GSS: variants seen among roughly 807,000 people sequenced by gnomAD.
GSS encodes GSH synthetase.
In GSS, 34 loss-of-function variants were observed where a neutral mutation model predicts 60.4. The ratio of observed to expected loss-of-function variants is 0.56; its 90% CI spans 0.43 to 0.75. The LOEUF is 0.75. Ranked by LOEUF, GSS falls within the 30% of genes least tolerant of loss-of-function variation. The probability of loss-of-function intolerance (pLI) is 0.00; values close to 1 mark genes in which losing one functional copy is unlikely to be tolerated. For missense variants in GSS, 499 were observed against 595.1 expected (o/e 0.84, Z 1.68); for synonymous variants, 224 against 239.0 (o/e 0.94, Z 0.58).
intron 9 of GSS, 113 bp downstream of exon 9, chr20:34,935,463 A>C (rs2081433438): frequency 1.3e-6 from 1 of 784,200 alleles, no homozygotes. Context: ...CTCCCTGAGA[A>C]AGAAGTGAAG....
intron 11 of GSS, among the ~76,000 whole-genome samples, chr20:34,930,586 T>A (rs1304614422): frequency 6.6e-6 from 1 of 152,160 alleles, no homozygotes; most frequent in Admixed American, 6.5e-5. Flanking sequence ...CTGCTTCCAG[T>A]GTCTCCCCTC....
intron 6 of GSS, among the ~76,000 whole-genome samples, chr20:34,940,964 G>C (rs576742687): frequency 6.6e-6 from 1 of 152,162 alleles, no homozygotes; most frequent in Non-Finnish European, 1.5e-5. Flanking sequence ...CAGAAGGGAG[G>C]CATGGGCATG....
chr20:34,936,965 T>C lies in GSS; in HGVS notation c.667A>G (p.Ile223Val), dbSNP rs1419462849. Residue 223 changes from isoleucine to valine, a missense_variant, in exon 7 of 13, where the codon ATA (isoleucine) becomes GTA (valine). Ile to Val is a conservative substitution (Grantham distance 29, BLOSUM62 3). Coordinates refer to ENST00000651619, the MANE Select transcript of GSS (RefSeq NM_000178.4). ...TACCTGGCCAGTAGCTCATTCTCTA[T>C]GGCACGCTGGTCAAATATGTTTCTT... ...KERNIFDQRAIENELLARNIH... is the reference protein window; with the variant it reads ...KERNIFDQRAVENELLARNIH... The C allele has an allele frequency of 6.2e-6, 10 of 1,613,942 alleles. No homozygotes were observed. The highest frequency in any genetic ancestry group is 8.5e-6 in the Non-Finnish European group (10 of 1,179,930).
chr20:34,942,736 G>C, intron 4 of GSS, 109 bp from the exon 5 acceptor site: 13 of 1,156,926 alleles, frequency 1.1e-5, no homozygotes, highest in Non-Finnish European at 1.7e-5. Context: ...AGAGGTACCA[G>C]CAAACACTCC....
chr20:34,934,628 C>T (rs1247583491), intron 9 of GSS, among the ~76,000 whole-genome samples: 1 of 152,076 alleles, frequency 6.6e-6, no homozygotes, highest in East Asian at 1.9e-4. Context: ...CAGCAAGTTG[C>T]CACCACTGCT....
Position 34,929,509 on chromosome 20 carries a change from A to G in GSS, c.1193T>C (p.Met398Thr). The G allele has an allele frequency of 1.2e-6, 2 of 1,613,718 alleles. No homozygotes were observed. The highest frequency in any genetic ancestry group is 1.7e-6 in the Non-Finnish European group (2 of 1,179,576). The change falls in exon 12 of 13, where the codon ATG becomes ACG. Residue 398 changes from methionine (M) to threonine (T), a missense_variant. Transcript: ENST00000651619. ...AAAAGGCTCAGGTTCGATCTTCTCC[A>G]TGAGGATGTAGGAGGCCCTCTCCTC... ...DSEERASYIL[M>T]EKIEPEPFEN... is the part of the protein sequence containing the mutation.
intron 1 of GSS, among the ~76,000 whole-genome samples, chr20:34,953,807 G>A (rs2081588535): frequency 6.6e-6 from 1 of 151,986 alleles, no homozygotes; most frequent in Non-Finnish European, 1.5e-5. Context: ...AGTAGAGACG[G>A]GGTTTCACCG....
At chr20:34,950,399 A>G (rs975720642) in intron 2 of GSS, among the ~76,000 whole-genome samples, 4 of 152,148 alleles carry the variant, frequency 2.6e-5, no homozygotes, top group Non-Finnish European at 4.4e-5. Flanking sequence ...GGCTAAAAAA[A>G]GAAGAGATGT....
chr20:34,938,847 T>C (rs1442151458), intron 6 of GSS, among the ~76,000 whole-genome samples: 2 of 152,196 alleles, frequency 1.3e-5, no homozygotes, highest in Non-Finnish European at 2.9e-5. Context: ...CCCTGAGTCG[T>C]AGGTAGTCCA....
At chr20:34,943,916 T>C (rs1052976075) in intron 3 of GSS, among the ~76,000 whole-genome samples, 1 of 152,190 alleles carries the variant, frequency 6.6e-6, no homozygotes, top group African/African-American at 2.4e-5. Flanking sequence ...TAAGAAGGAA[T>C]CCACAGGTGA....
intron 2 of GSS, chr20:34,949,423 A>AT (rs34433793): frequency 0.32 from 43,553 of 135,128 alleles, 6,683 homozygotes; most frequent in Middle Eastern, 0.44. Flanking sequence ...TCTCTTGAAC[A>AT]TTTTTTTTTT....
intron 2 of GSS, among the ~76,000 whole-genome samples, chr20:34,946,324 A>C (rs750374027): frequency 1.3e-5 from 2 of 152,238 alleles, no homozygotes; most frequent in Non-Finnish European, 2.9e-5. Flanking sequence ...GCAAAAAAGC[A>C]AAATGCAAAT....
At chr20:34,936,900 T>A (rs769086659) in intron 7 of GSS, 43 bp downstream of exon 7, 1 of 1,605,024 alleles carries the variant, frequency 6.2e-7, no homozygotes, top group Non-Finnish European at 8.5e-7. Flanking sequence ...GCCCCACCCC[T>A]AATCCTGGAG....
intron 6 of GSS, among the ~76,000 whole-genome samples, chr20:34,937,361 G>T (rs1439313197): frequency 6.6e-6 from 1 of 152,146 alleles, no homozygotes; most frequent in African/African-American, 2.4e-5. Flanking sequence ...AACCCAAGAG[G>T]ACTTTTTCTT....
intron 9 of GSS, among the ~76,000 whole-genome samples, chr20:34,933,172 A>G (rs34138151): frequency 0.022 from 3,320 of 152,180 alleles, 58 homozygotes; most frequent in Non-Finnish European, 0.034. Flanking sequence ...TCTGATGCCC[A>G]TTTCTCTGAC....
chr20:34,937,444 G>C (rs1019033991), intron 6 of GSS, among the ~76,000 whole-genome samples: 6 of 152,122 alleles, frequency 3.9e-5, no homozygotes, highest in African/African-American at 1.2e-4. Flanking sequence ...TTTTGTAAAA[G>C]AACAATGCAG....
chr20:34,953,685 G>A lies in GSS; in HGVS notation c.-8-1825C>T, dbSNP rs554397655. ...GGCTGGAGTGCAGCCGCACGATCTC[G>A]GCTCACTGCAAGCTCCGCCTCCTGG... On this transcript the variant is annotated intron_variant, in intron 1 of 12. Transcript: ENST00000651619. Among the ~76,000 whole-genome samples, 101 of 148,420 alleles carry A rather than the reference G, an allele frequency of 6.8e-4. 1 individual carries two copies. The highest frequency in any genetic ancestry group is 2.4e-3 in the African/African-American group (95 of 39,818).
intron 1 of GSS, chr20:34,954,535 C>T (rs1012684234): frequency 3.0e-5 from 4 of 133,464 alleles, no homozygotes; most frequent in African/African-American, 1.2e-4. Context: ...GCCTGGGCAA[C>T]AAGAGCAAAG....
chr20:34,935,561 A>G lies in GSS; in HGVS notation c.834+15T>C. On this transcript the variant is annotated intron_variant, in intron 9 of 12. Coordinates refer to ENST00000651619, the MANE Select transcript of GSS (RefSeq NM_000178.4). ...GTCCCAGGAGGCAAAGAATGGTCTC[A>G]CAGAAAATACCAACCTGTAGACTGT... The G allele has an allele frequency of 6.3e-7, 1 of 1,592,264 alleles. No homozygotes were observed. Among genetic ancestry groups the G allele is most frequent in the South Asian group, 1.1e-5 (1 of 90,638 alleles).
Sources: allele counts gnomAD v4.1 joint callset (sites outside exome capture counted in the v4.1 genomes callset), GRCh38; gene constraint gnomAD v4.1.1; transcripts MANE v1.5; gene names NCBI Gene and HGNC (gene_info 2026-07-23, HGNC 2026-07-21).